LRP4: variants seen among roughly 807,000 people sequenced by gnomAD.
LRP4 encodes the protein LDL receptor related protein 4.
In LRP4, 95 loss-of-function variants were observed where a neutral mutation model predicts 220.3. That is an observed-to-expected ratio of 0.43 (90% CI 0.37 to 0.51). The LOEUF (loss-of-function observed/expected upper bound fraction) is 0.51, where lower values mean the gene tolerates loss of function less well. Ranked by LOEUF, LRP4 falls within the 20% of genes least tolerant of loss-of-function variation. The pLI, the probability that LRP4 is intolerant of heterozygous loss-of-function variation, is 0.00. For synonymous variants in LRP4, 903 were observed against 954.6 expected, an observed-to-expected ratio of 0.95 and a Z score of 1.00; for missense variants, 1,925 against 2,567.0, an observed-to-expected ratio of 0.75 and a Z score of 5.40.
intron 22 of LRP4, 50 bp downstream of exon 22, chr11:46,878,857 T>G (rs369265943): frequency 1.2e-6 from 2 of 1,612,184 alleles, no homozygotes; most frequent in East Asian, 2.2e-5. Context: ...AAGAGAGCCA[T>G]TGCCCCCTCC....
In LRP4 at chr11:46,873,103, C is replaced by A; in HGVS notation, c.4580G>T (p.Arg1527Leu). Reference sequence around the variant, plus strand: ...CTGTTTGATGCAAGACTCCCACCTGCGGGTATCATAGTCCAGGGTAAGGCC... The same window carrying A: ...CTGTTTGATGCAAGACTCCCACCTGAGGGTATCATAGTCCAGGGTAAGGCC... ...PNGLTLDYDT[R>L]RIYWVDAHLD... The change falls in exon 30 of 38, where the codon CGC (arginine) becomes CTC (leucine). Residue 1527 changes from arginine (R) to leucine (L), a missense_variant. Coordinates refer to ENST00000378623, the MANE Select transcript of LRP4 (RefSeq NM_002334.4). The surrounding 1 kb of genome is among the most constrained non-coding windows in gnomAD (Gnocchi z 4.2). The A allele has an allele frequency of 1.2e-6, 2 of 1,614,206 alleles. No homozygotes were observed. The highest frequency in any genetic ancestry group is 1.7e-5 in the Admixed American group (1 of 60,030).
rs756988085 is a variant in LRP4, at chr11:46,875,405, C to G, written c.3925+51G>C. Reference sequence around the variant, plus strand: ...GGATATATCTCTGATGTTGAGATGGCCCCAGAAAGCCAGAGGCTCTGACTC... The same window carrying G: ...GGATATATCTCTGATGTTGAGATGGGCCCAGAAAGCCAGAGGCTCTGACTC... On this transcript the variant is annotated intron_variant, in intron 27 of 37. Coordinates refer to ENST00000378623, the MANE Select transcript of LRP4 (RefSeq NM_002334.4). This position sits in a 1 kb window ranked among gnomAD's most constrained non-coding sequence, Gnocchi z 4.5. 1 of 1,488,132 alleles carries G rather than the reference C, an allele frequency of 6.7e-7. No individual in the cohort carries two copies. Among genetic ancestry groups the G allele is most frequent in the Non-Finnish European group, 9.4e-7 (1 of 1,068,336 alleles). The allele number at this position is 1,488,132 out of a possible 1,614,324, so 92.2% of individuals were successfully genotyped here.
intron 18 of LRP4, among the ~76,000 whole-genome samples, chr11:46,884,619 C>T (rs959154846): frequency 2.6e-5 from 4 of 152,066 alleles, no homozygotes; most frequent in Admixed American, 2.6e-4. Context: ...CACCTGTAGT[C>T]CCAGCTACTT....
At chr11:46,883,549 G>A (rs886276211) in intron 19 of LRP4, among the ~76,000 whole-genome samples, 1 of 152,196 alleles carries the variant, frequency 6.6e-6, no homozygotes, top group African/African-American at 2.4e-5. Context: ...TAGAAACAAT[G>A]CTAATGACTG....
intron 1 of LRP4, among the ~76,000 whole-genome samples, chr11:46,911,988 G>A (rs1402913236): frequency 6.6e-6 from 1 of 152,030 alleles, no homozygotes; most frequent in Non-Finnish European, 1.5e-5. Context: ...CTGAGTAGCT[G>A]AGACTATAGG....
At chr11:46,892,718 C>T (rs113610807) in intron 13 of LRP4, among the ~76,000 whole-genome samples, 108 of 152,244 alleles carry the variant, frequency 7.1e-4, no homozygotes, top group Non-Finnish European at 1.3e-3. Context: ...ATTACAAGCA[C>T]CCGCCACCAT....
At chr11:46,885,971 GA>G in intron 18 of LRP4, 119 bp downstream of exon 18, 4 of 862,334 alleles carry the variant, frequency 4.6e-6, no homozygotes, top group Non-Finnish European at 7.8e-6. Context: ...ACCTACCAAG[GA>G]CTTGAAGTGA....
intron 20 of LRP4, among the ~76,000 whole-genome samples, chr11:46,880,385 G>T (rs1941125521): frequency 6.6e-6 from 1 of 150,986 alleles, no homozygotes; most frequent in South Asian, 2.1e-4. Flanking sequence ...AGGATTGCTT[G>T]AGCCTAGGAG....
chr11:46,918,343 G>A lies in LRP4; in HGVS notation c.37C>T (p.Leu13=). Reference sequence around the variant, plus strand: ...CGCCGCTTACCGTGTGCGCAGAGCAGGGCGCCAAGCAGCAGCGCGCCCCAC... The same window carrying A: ...CGCCGCTTACCGTGTGCGCAGAGCAAGGCGCCAAGCAGCAGCGCGCCCCAC... ...RQWGALLLGA[L]LCAHGLASSP... The change falls in exon 1 of 38, where the codon CTG becomes TTG. Residue 13 remains leucine (L), a synonymous_variant. Transcript: ENST00000378623. The surrounding 1 kb of genome is among the most constrained non-coding windows in gnomAD (Gnocchi z 6.0). 1 of 1,493,680 alleles carries A rather than the reference G, an allele frequency of 6.7e-7. No homozygotes were observed. Among genetic ancestry groups the A allele is most frequent in the Non-Finnish European group, 8.9e-7 (1 of 1,127,392 alleles). The allele number at this position is 1,493,680 out of a possible 1,614,324, so 92.5% of individuals were successfully genotyped here. A position where few individuals can be genotyped will look rare whatever the true frequency, so the allele number is the denominator to read the frequency against.
At position 46,858,503 on chromosome 11, in the gene LRP4, T is replaced by C; in HGVS notation, c.*480A>G. On this transcript the variant is annotated 3_prime_UTR_variant, in exon 38 of 38. Coordinates refer to ENST00000378623, the MANE Select transcript of LRP4 (RefSeq NM_002334.4). ...CTGCTGGGCTGATTCTTCCTTCTTCTCTCAGCCTCTATCCTTCATCCCTGT... is the reference window on the plus strand; with the variant it reads ...CTGCTGGGCTGATTCTTCCTTCTTCCCTCAGCCTCTATCCTTCATCCCTGT... 1 of 222,270 alleles carries C rather than the reference T, an allele frequency of 4.5e-6. No homozygotes were observed. Among genetic ancestry groups the C allele is most frequent in the South Asian group, 7.8e-5 (1 of 12,892 alleles). 13.8% of individuals were successfully genotyped at this position (222,270 alleles called of 1,614,324 possible).
chr11:46,901,894 G>C (rs984365911), intron 2 of LRP4, among the ~76,000 whole-genome samples: 1 of 151,758 alleles, frequency 6.6e-6, no homozygotes, highest in South Asian at 2.1e-4. Flanking sequence ...CACCACGCCC[G>C]GCTAATTTTT....
chr11:46,869,773 A>G (rs1226024976), intron 31 of LRP4, among the ~76,000 whole-genome samples: 1 of 152,154 alleles, frequency 6.6e-6, no homozygotes, highest in Non-Finnish European at 1.5e-5. Context: ...TACATTTAGA[A>G]TATGAAAAAA....
intron 1 of LRP4, among the ~76,000 whole-genome samples, chr11:46,910,621 T>C (rs1941843164): frequency 6.6e-6 from 1 of 151,276 alleles, no homozygotes; most frequent in Non-Finnish European, 1.5e-5. Context: ...TGCAGAGTCT[T>C]GCTTTATTGC....
intron 2 of LRP4, among the ~76,000 whole-genome samples, chr11:46,902,522 T>A (rs977987253): frequency 6.6e-6 from 1 of 152,162 alleles, no homozygotes; most frequent in African/African-American, 2.4e-5. Flanking sequence ...TTAAAGAAAC[T>A]CCCTGTTGTG....
In LRP4 at chr11:46,879,605, A is replaced by T. The variant is rs4752947; in HGVS notation, c.2815-290T>A. ...CAAATTACTTATTAAGTACAAAATT[A>T]AAAAATAGCAACTTTACAGTGGACA... is the stretch of plus-strand genomic sequence containing the variant. On this transcript the variant is annotated intron_variant, in intron 20 of 37. Coordinates refer to ENST00000378623, the MANE Select transcript of LRP4 (RefSeq NM_002334.4). Among the ~76,000 whole-genome samples, 21,112 of 152,224 alleles carry T rather than the reference A, an allele frequency of 0.14. 2,461 individuals are homozygous for T. Among genetic ancestry groups the T allele is most frequent in the East Asian group, 0.6 (3,121 of 5,168 alleles).
chr11:46,908,490 G>A (rs1416762105), intron 1 of LRP4, among the ~76,000 whole-genome samples: 2 of 152,182 alleles, frequency 1.3e-5, no homozygotes, highest in African/African-American at 2.4e-5. Context: ...GATTGCACAA[G>A]TACTAAGGGT....
intron 1 of LRP4, among the ~76,000 whole-genome samples, chr11:46,906,226 C>T (rs11600446): frequency 2.0e-5 from 3 of 152,088 alleles, no homozygotes; most frequent in Admixed American, 6.6e-5. Context: ...GAGGCTGAGG[C>T]GGGCAGATCA....
At position 46,871,603 on chromosome 11, in the gene LRP4, C is replaced by G. The variant is rs1177101786; in HGVS notation, c.4614G>C (p.Arg1538=). 3 of 1,612,792 alleles carry G rather than the reference C, an allele frequency of 1.9e-6. No individual in the cohort carries two copies. The stretch of plus-strand genomic sequence containing the variant: ...TCCCATTGAGGTCAGCACTCTCGAT[C>G]CGGTCCAGATGCGCATCCACCCAGT... The part of the protein sequence containing the change: ...RIYWVDAHLD[R]IESADLNGKL... The change falls in exon 31 of 38, where the codon CGG becomes CGC. Residue 1538 remains arginine (R), a synonymous_variant. Transcript: ENST00000378623.
At chr11:46,913,868 G>A (rs1941907541) in intron 1 of LRP4, among the ~76,000 whole-genome samples, 1 of 152,078 alleles carries the variant, frequency 6.6e-6, no homozygotes, top group African/African-American at 2.4e-5. Context: ...GGCACAAGTG[G>A]GAACTATGCT....
Sources: allele counts gnomAD v4.1 joint callset (sites outside exome capture counted in the v4.1 genomes callset), GRCh38; gene constraint gnomAD v4.1.1; non-coding constraint Gnocchi (gnomAD v3.1); transcripts MANE v1.5; gene names NCBI Gene and HGNC (gene_info 2026-07-23, HGNC 2026-07-21).